The following AARS1 variants were observed in gnomAD, a reference collection of about 807,000 sequenced individuals.
The protein encoded by AARS1 is alanyl-tRNA synthetase 1, also known as alanine--tRNA ligase, cytoplasmic.
AARS1 carries 72 observed loss-of-function variants against 108.9 expected under a neutral mutation model. The ratio of observed to expected loss-of-function variants is 0.66; its 90% CI spans 0.55 to 0.80. The LOEUF is 0.80. Ranked by LOEUF, AARS1 falls within the 30% of genes least tolerant of loss-of-function variation. The pLI is 0.00. For synonymous variants in AARS1, 489 were observed against 465.7 expected, an observed-to-expected ratio of 1.05 and a Z score of -0.64; for missense variants, 1,193 against 1,233.2, an observed-to-expected ratio of 0.97 and a Z score of 0.49.
At chr16:70,278,778 G>C (rs1960617160) in intron 2 of AARS1, among the ~76,000 whole-genome samples, 1 of 152,014 alleles carries the variant, frequency 6.6e-6, no homozygotes, top group African/African-American at 2.4e-5. Flanking sequence ...ACCTAGCTGG[G>C]TGCCTAATAT....
In AARS1 at chr16:70,253,712, G is replaced by A; in HGVS notation, c.2607+2C>T. On this transcript the variant is annotated splice_donor_variant, in intron 19 of 20. Coordinates refer to ENST00000261772, the MANE Select transcript of AARS1 (RefSeq NM_001605.3). LOFTEE classifies it low-confidence loss of function (GC_TO_GT_DONOR). ...GGGAGGGGACCCTGGCCCCTGGGTT[G>A]CCTTGGCTGAGGCGCCGCTCTCCAT... 3 of 1,613,636 alleles carry A rather than the reference G, an allele frequency of 1.9e-6. No individual in the cohort carries two copies. The highest frequency in any genetic ancestry group is 2.5e-6 in the Non-Finnish European group (3 of 1,180,020).
At chr16:70,282,124 C>G (rs1164906529) in intron 2 of AARS1, among the ~76,000 whole-genome samples, 1 of 151,416 alleles carries the variant, frequency 6.6e-6, no homozygotes, top group Non-Finnish European at 1.5e-5. Context: ...TGCACTCCAG[C>G]CTGGGCGACA....
In AARS1 at chr16:70,253,249, G is replaced by A; in HGVS notation, c.2721+19C>T. Reference sequence around the variant, plus strand: ...ACCTTAAGACCTAACACTTCCCACTGGTGCGAGGTGGTGCTGACCTGGGGA... The same window carrying A: ...ACCTTAAGACCTAACACTTCCCACTAGTGCGAGGTGGTGCTGACCTGGGGA... On this transcript the variant is annotated intron_variant, in intron 20 of 20. Transcript: ENST00000261772. 1.3e-6 allele frequency: 2 copies of A among 1,573,744 alleles called. No homozygotes were observed. Among genetic ancestry groups the A allele is most frequent in the Non-Finnish European group, 1.7e-6 (2 of 1,143,642 alleles).
At chr16:70,264,207 T>C (rs959061880) in intron 11 of AARS1, among the ~76,000 whole-genome samples, 5 of 150,168 alleles carry the variant, frequency 3.3e-5, no homozygotes, top group South Asian at 2.2e-4. Context: ...GATCACACTA[T>C]TGCACTCCAG....
In AARS1 at chr16:70,258,995, C is replaced by T. The variant is rs1251718635; in HGVS notation, c.1977G>A (p.Met659Ile). 6.2e-7 allele frequency: 1 copy of T among 1,614,198 alleles called. No homozygotes were observed. The highest frequency in any genetic ancestry group is 1.1e-5 in the South Asian group (1 of 91,076). The change falls in exon 14 of 21, where the codon ATG becomes ATA. Residue 659 changes from methionine to isoleucine, a missense_variant. By Grantham distance (10) the Met-to-Ile change is conservative. Transcript: ENST00000261772. ...IKKAEEIANE[M>I]IEAAKAVYTQ... ...CCCATCCTACCTTGGCTGCCTCAAT[C>T]ATCTCATTAGCAATCTCTTCAGCCT... is the stretch of plus-strand genomic sequence containing the variant.
intron 12 of AARS1, chr16:70,261,372 G>C: frequency 2.4e-6 from 1 of 411,658 alleles, no homozygotes; most frequent in Non-Finnish European, 4.6e-6. Context: ...CAGGTGAGTA[G>C]ATCACCTGAG....
chr16:70,257,206 G>A (rs965635660), intron 15 of AARS1, among the ~76,000 whole-genome samples: 3 of 151,118 alleles, frequency 2.0e-5, no homozygotes, highest in East Asian at 2.0e-4. Context: ...CCAAGATTGC[G>A]CCATTGCACT....
At chr16:70,266,003 C>T (rs1185968741) in intron 9 of AARS1, among the ~76,000 whole-genome samples, 1 of 151,696 alleles carries the variant, frequency 6.6e-6, no homozygotes, top group Non-Finnish European at 1.5e-5. Flanking sequence ...ATGGTGAAAC[C>T]CCGTCTCTAG....
Position 70,252,900 on chromosome 16 carries a change from C to T in AARS1, c.2728G>A (p.Ala910Thr), listed in dbSNP as rs1218092159. The part of the protein sequence containing the change: ...TCLCQVPQNA[A>T]NRGLKASEWV... Reference sequence around the variant, plus strand: ...TCGCTGGCTTTTAAGCCCCGATTGGCTGCATTCTAGAAGACAGGAAGGGAA... The same window carrying T: ...TCGCTGGCTTTTAAGCCCCGATTGGTTGCATTCTAGAAGACAGGAAGGGAA... Residue 910 changes from alanine to threonine, a missense_variant, in exon 21 of 21, where the codon GCC (alanine) becomes ACC (threonine). Transcript: ENST00000261772. 2 of 1,614,062 alleles carry T rather than the reference C, an allele frequency of 1.2e-6. No homozygotes were observed. Among genetic ancestry groups the T allele is most frequent in the Non-Finnish European group, 1.7e-6 (2 of 1,180,038 alleles).
chr16:70,261,374 T>A, intron 12 of AARS1: 1 of 409,728 alleles, frequency 2.4e-6, no homozygotes, highest in Non-Finnish European at 4.6e-6. Flanking sequence ...GGTGAGTAGA[T>A]CACCTGAGGC....
intron 11 of AARS1, among the ~76,000 whole-genome samples, chr16:70,264,620 A>C (rs1418589133): frequency 2.0e-5 from 3 of 152,072 alleles, no homozygotes; most frequent in Non-Finnish European, 4.4e-5. Context: ...CCAGGCCCCT[A>C]ATAGCATTCT....
intron 20 of AARS1, 103 bp from the exon 21 acceptor site, chr16:70,253,009 G>A (rs1959880038): frequency 1.5e-6 from 2 of 1,303,244 alleles, no homozygotes; most frequent in Non-Finnish European, 2.2e-6. Context: ...TCCTTGCCCT[G>A]GGTGATACTG....
chr16:70,257,164 G>A (rs1453244971), intron 15 of AARS1, among the ~76,000 whole-genome samples: 5 of 151,944 alleles, frequency 3.3e-5, no homozygotes, highest in Admixed American at 6.6e-5. Context: ...CAGGAGACTC[G>A]CTTGAACCCT....
intron 7 of AARS1, 41 bp from the exon 8 acceptor site, chr16:70,268,420 G>C (rs1439363822): frequency 1.3e-6 from 2 of 1,583,120 alleles, no homozygotes; most frequent in Non-Finnish European, 1.7e-6. Context: ...TCCCAGCTGA[G>C]GGTTTTGTCT....
intron 5 of AARS1, 102 bp downstream of exon 5, chr16:70,271,679 A>C (rs1960406513): frequency 5.8e-6 from 7 of 1,202,814 alleles, no homozygotes; most frequent in Non-Finnish European, 7.3e-6. Context: ...AATCTGAGAA[A>C]TAAAGAAATG....
chr16:70,268,654 T>C (rs1296188780), intron 7 of AARS1, among the ~76,000 whole-genome samples: 2 of 152,188 alleles, frequency 1.3e-5, no homozygotes, highest in Non-Finnish European at 2.9e-5. Context: ...AGATGTGTAC[T>C]TGATGCCTGT....
At chr16:70,258,903 G>C in intron 14 of AARS1, 77 bp downstream of exon 14, 4 of 1,469,536 alleles carry the variant, frequency 2.7e-6, no homozygotes, top group Non-Finnish European at 1.9e-6. Context: ...AACAGAGTGA[G>C]AGCACCGCAC....
chr16:70,279,155 G>C (rs1230127286), intron 2 of AARS1, among the ~76,000 whole-genome samples: 2 of 151,466 alleles, frequency 1.3e-5, no homozygotes, highest in African/African-American at 2.4e-5. Flanking sequence ...TTCGAGACCA[G>C]CCTGGCTAAG....
chr16:70,269,009 C>T (rs796726526), intron 7 of AARS1, among the ~76,000 whole-genome samples: 2 of 152,016 alleles, frequency 1.3e-5, no homozygotes, highest in African/African-American at 4.8e-5. Context: ...GAGTTCGAGA[C>T]CAGCCTGGCC....
Sources: allele counts gnomAD v4.1 joint callset (sites outside exome capture counted in the v4.1 genomes callset), GRCh38; gene constraint gnomAD v4.1.1; transcripts MANE v1.5; gene names NCBI Gene and HGNC (gene_info 2026-07-23, HGNC 2026-07-21).